Variants in DNAAF9 observed in about 807,000 individuals in gnomAD.
The protein encoded by DNAAF9 is dynein axonemal assembly factor 9, also known as shulin.
A neutral mutation model predicts 167.0 loss-of-function variants in DNAAF9; 90 were observed. That is an observed-to-expected ratio of 0.54 (90% CI 0.45 to 0.64). DNAAF9 has a LOEUF of 0.64. Among genes scored for constraint, DNAAF9 ranks in the 30% least tolerant of loss-of-function variants. The pLI, the probability that DNAAF9 is intolerant of heterozygous loss-of-function variation, is 0.00. For synonymous variants in DNAAF9, 491 were observed against 508.8 expected (o/e 0.96, Z 0.47); for missense variants, 1,315 against 1,442.2 (o/e 0.91, Z 1.43).
intron 6 of DNAAF9, chr20:3,362,283 A>G (rs1258596394): frequency 1.6e-6 from 2 of 1,213,966 alleles, no homozygotes; most frequent in Non-Finnish European, 2.4e-6. Flanking sequence ...ACAGTTGGAA[A>G]TTGCAAGGGA....
chr20:3,371,817 C>T (rs781337602), intron 6 of DNAAF9, among the ~76,000 whole-genome samples: 25 of 152,082 alleles, frequency 1.6e-4, no homozygotes, highest in Admixed American at 3.9e-4. Flanking sequence ...TAGAGGTTTG[C>T]TATTAGGATC....
At chr20:3,391,674 G>A (rs948016637) in intron 1 of DNAAF9, among the ~76,000 whole-genome samples, 14 of 147,062 alleles carry the variant, frequency 9.5e-5, no homozygotes, top group South Asian at 2.2e-4. Flanking sequence ...TCTGCCTCCC[G>A]GGTTCAAGCG....
At chr20:3,297,237 C>T (rs1394001698) in intron 22 of DNAAF9, among the ~76,000 whole-genome samples, 1 of 152,110 alleles carries the variant, frequency 6.6e-6, no homozygotes, top group African/African-American at 2.4e-5. Context: ...CGCATGTTCT[C>T]CTCTAGGGAG....
In DNAAF9 at chr20:3,252,314, C is replaced by T; in HGVS notation, c.*258G>A. 2.9e-6 allele frequency: 1 copy of T among 349,642 alleles called. No homozygotes were observed. The highest frequency in any genetic ancestry group is 5.3e-6 in the Non-Finnish European group (1 of 188,670). 21.7% of individuals were successfully genotyped at this position (349,642 alleles called of 1,614,324 possible). ...CAGAAACCCAGAGCTCCTGGACTGC[C>T]AGTTGCACACGTAGACGGGCAGGCC... On this transcript the variant is annotated 3_prime_UTR_variant, in exon 37 of 37. Coordinates refer to ENST00000252032, the MANE Select transcript of DNAAF9 (RefSeq NM_001009984.3).
At chr20:3,382,557 G>T (rs1255722567) in intron 1 of DNAAF9, 51 bp from the exon 2 acceptor site, 2 of 1,400,792 alleles carry the variant, frequency 1.4e-6, no homozygotes, top group Admixed American at 1.7e-5. Context: ...AGCCCCATGA[G>T]AAGAGCAGCA....
At chr20:3,304,614 T>C in intron 20 of DNAAF9, 71 bp from the exon 21 acceptor site, 1 of 745,560 alleles carries the variant, frequency 1.3e-6, no homozygotes, top group Non-Finnish European at 2.4e-6. Flanking sequence ...TGTCCTCTTG[T>C]ACAGCAGTGT....
chr20:3,366,415 T>G (rs144049204), intron 6 of DNAAF9, among the ~76,000 whole-genome samples: 64 of 152,288 alleles, frequency 4.2e-4, no homozygotes, highest in African/African-American at 1.4e-3. Flanking sequence ...GCTTAAAATA[T>G]TCAGTAAGCC....
intron 16 of DNAAF9, among the ~76,000 whole-genome samples, chr20:3,319,031 T>C (rs1240968033): frequency 6.7e-5 from 9 of 134,760 alleles, no homozygotes; most frequent in Non-Finnish European, 1.4e-4. Context: ...TGCAGTGAGC[T>C]GAGATCGCGC....
At chr20:3,314,539 T>C (rs746116625) in intron 20 of DNAAF9, among the ~76,000 whole-genome samples, 3 of 152,118 alleles carry the variant, frequency 2.0e-5, no homozygotes, top group East Asian at 3.9e-4. Flanking sequence ...CTTGCTGAGA[T>C]TGGGAGAAGA....
At chr20:3,394,248 G>A (rs556003426) in intron 1 of DNAAF9, among the ~76,000 whole-genome samples, 5 of 151,348 alleles carry the variant, frequency 3.3e-5, no homozygotes, top group African/African-American at 9.7e-5. Context: ...TGAGGCAGGA[G>A]AATCACTTGA....
chr20:3,306,682 CCT>C (rs1299410120), intron 20 of DNAAF9, among the ~76,000 whole-genome samples: 2 of 152,178 alleles, frequency 1.3e-5, no homozygotes, highest in East Asian at 3.9e-4. Flanking sequence ...TCAATTCTCC[CCT>C]GTCCAAAGCC....
intron 16 of DNAAF9, among the ~76,000 whole-genome samples, chr20:3,321,744 A>ATTT (rs201568057): frequency 6.7e-6 from 1 of 150,070 alleles, no homozygotes; most frequent in African/African-American, 2.4e-5. Flanking sequence ...AATTAAAAAA[A>ATTT]TTTTTTTTTT....
chr20:3,382,840 A>G (rs928147880), intron 1 of DNAAF9, among the ~76,000 whole-genome samples: 1 of 152,168 alleles, frequency 6.6e-6, no homozygotes, highest in African/African-American at 2.4e-5. Flanking sequence ...AGAACTTCCA[A>G]TGACTTTTCA....
At chr20:3,407,409 G>A (rs1342231704) in intron 1 of DNAAF9, 66 bp downstream of exon 1, 3 of 1,210,476 alleles carry the variant, frequency 2.5e-6, no homozygotes, top group South Asian at 2.9e-5. Flanking sequence ...GGCGGGAGGC[G>A]TCGCCGGACC....
rs1054344336 is a variant in DNAAF9 at position 3,315,424 on chromosome 20, T to C, written c.1591-304A>G. Among the ~76,000 whole-genome samples the C allele has an allele frequency of 2.6e-5, 4 of 152,246 alleles. No individual in the cohort carries two copies. Among genetic ancestry groups the C allele is most frequent in the Admixed American group, 1.3e-4 (2 of 15,278 alleles). On this transcript the variant is annotated intron_variant, in intron 19 of 36. Transcript: ENST00000252032. The surrounding 1 kb of genome is among the most constrained non-coding windows in gnomAD (Gnocchi z 4.1). ...TTGTGAAAACAGAGGCAGCTTCTCC[T>C]TGGCCTAAAGCCTTGATGTCTCAGC...
intron 30 of DNAAF9, among the ~76,000 whole-genome samples, chr20:3,267,712 G>A (rs1213126400): frequency 6.6e-6 from 1 of 152,084 alleles, no homozygotes; most frequent in African/African-American, 2.4e-5. Context: ...GTATGCACTT[G>A]TAATCCCAGC....
intron 21 of DNAAF9, among the ~76,000 whole-genome samples, chr20:3,302,542 T>C (rs1192125598): frequency 2.6e-5 from 4 of 152,236 alleles, no homozygotes; most frequent in East Asian, 1.9e-4. Context: ...TAAAGGGTTT[T>C]TGCATTACTA....
intron 7 of DNAAF9, among the ~76,000 whole-genome samples, chr20:3,359,273 G>C (rs2083329086): frequency 6.6e-6 from 1 of 152,190 alleles, no homozygotes; most frequent in African/African-American, 2.4e-5. Flanking sequence ...CTAAAGGCCA[G>C]GCAGGAGGCC....
At chr20:3,394,968 T>C (rs2083883166) in intron 1 of DNAAF9, among the ~76,000 whole-genome samples, 2 of 33,570 alleles carry the variant, frequency 6.0e-5, no homozygotes, top group African/African-American at 2.3e-4. Flanking sequence ...TTTTTTTTTT[T>C]TTTTTTTTTT....
Sources: gnomAD v4.1 joint callset for allele counts (sites outside exome capture counted in the v4.1 genomes callset) on GRCh38, gnomAD v4.1.1 for gene constraint, Gnocchi (gnomAD v3.1) non-coding constraint, MANE v1.5 for transcripts, NCBI Gene and HGNC (gene_info 2026-07-23, HGNC 2026-07-21) for gene names.